Variants in GOLIM4 observed in about 807,000 individuals in gnomAD.
GOLIM4 encodes 130 kDa golgi-localized phosphoprotein.
In GOLIM4, 71 loss-of-function variants were observed where a neutral mutation model predicts 107.4. That is an observed-to-expected ratio of 0.66 (90% CI 0.55 to 0.81). The LOEUF is 0.81. Ranked by LOEUF, GOLIM4 falls within the 30% of genes least tolerant of loss-of-function variation. GOLIM4 has a pLI of 0.00. For missense variants in GOLIM4, 830 were observed against 826.1 expected (o/e 1.00, Z -0.06); for synonymous variants, 327 against 294.8 (o/e 1.11, Z -1.12).
At chr3:168,030,104 T>C in intron 9 of GOLIM4, 68 bp from the exon 10 acceptor site, 2 of 1,489,364 alleles carry the variant, frequency 1.3e-6, no homozygotes, top group Non-Finnish European at 1.8e-6. Flanking sequence ...TTCATTTGTT[T>C]CTCCTGACAA....
rs1187688741 is a variant in GOLIM4, at chr3:168,010,416, A to G, written c.1944T>C (p.Thr648=). The G allele has an allele frequency of 1.9e-6, 3 of 1,593,578 alleles. No individual in the cohort carries two copies. Among genetic ancestry groups the G allele is most frequent in the African/African-American group, 2.7e-5 (2 of 74,226 alleles). The part of the protein sequence containing the change: ...EETYGENDEN[T]DDKNNDGEEQ... ...CTTCTCCATCATTATTTTTATCATCAGTCTTAAAATTAAAAGAAAAAAGAA... is the reference window on the plus strand; with the variant it reads ...CTTCTCCATCATTATTTTTATCATCGGTCTTAAAATTAAAAGAAAAAAGAA... The change falls in exon 16 of 16, where the codon ACT becomes ACC. Residue 648 remains threonine, a splice_region_variant and synonymous_variant. Coordinates refer to ENST00000470487, the MANE Select transcript of GOLIM4 (RefSeq NM_014498.5).
chr3:168,070,774 C>G (rs372206652), intron 1 of GOLIM4, among the ~76,000 whole-genome samples: 2 of 152,080 alleles, frequency 1.3e-5, no homozygotes, highest in East Asian at 1.9e-4. Flanking sequence ...TGCTTTTTAG[C>G]TTGAAAGGGA....
rs753254680 is a variant in GOLIM4 at position 168,040,804 on chromosome 3, A to G, written c.666T>C (p.Ser222=). 2 of 1,610,708 alleles carry G rather than the reference A, an allele frequency of 1.2e-6. No individual in the cohort carries two copies. The highest frequency in any genetic ancestry group is 2.2e-5 in the East Asian group (1 of 44,862). ...TTCTAACCTGTGCAGCAGCTAGTGCACTCTTGTGGTCTTCCAAAGTCACTA... is the reference window on the plus strand; with the variant it reads ...TTCTAACCTGTGCAGCAGCTAGTGCGCTCTTGTGGTCTTCCAAAGTCACTA... ...QLVVTLEDHK[S]ALAAAQTQVA... Residue 222 remains serine, a synonymous_variant, in exon 7 of 16, where the codon AGT becomes AGC. Coordinates refer to ENST00000470487, the MANE Select transcript of GOLIM4 (RefSeq NM_014498.5).
intron 1 of GOLIM4, among the ~76,000 whole-genome samples, chr3:168,068,842 T>TTTTA (rs1720688425): frequency 7.0e-6 from 1 of 143,306 alleles, no homozygotes; most frequent in African/African-American, 2.7e-5. Flanking sequence ...ATTTTATTTT[T>TTTTA]TTTTTTTTTT....
chr3:168,074,054 T>G (rs941788852), intron 1 of GOLIM4, among the ~76,000 whole-genome samples: 1 of 152,130 alleles, frequency 6.6e-6, no homozygotes, highest in East Asian at 1.9e-4. Context: ...CCTCATTCTG[T>G]GGGAAGCCAG....
chr3:168,036,926 A>T lies in GOLIM4; in HGVS notation c.753T>A (p.Asp251Glu). 5.7e-6 allele frequency: 9 copies of T among 1,590,780 alleles called. No individual in the cohort carries two copies. Among genetic ancestry groups the T allele is most frequent in the Non-Finnish European group, 7.7e-6 (9 of 1,167,028 alleles). The change falls in exon 8 of 16, where the codon GAT becomes GAA. Residue 251 changes from aspartate (D) to glutamate (E), a missense_variant. Asp to Glu is a conservative substitution (Grantham distance 45). Transcript: ENST00000470487. ...GGGTCACATTTTGCTGTTCTGCTGG[A>T]TCAGGTTTTCGAAGGCTTGGAATCC... ...LNRIPSLRKP[D>E]PAEQQNVTQV...
chr3:168,015,179 A>T (rs1394861005), intron 14 of GOLIM4, among the ~76,000 whole-genome samples: 1 of 142,470 alleles, frequency 7.0e-6, no homozygotes, highest in Non-Finnish European at 1.5e-5. Flanking sequence ...GCTGATAAGC[A>T]ACTTCAGCAA....
chr3:168,076,453 GGAGGCCAAGGCGGGAGGATCAC>G (rs1406279451), intron 1 of GOLIM4, among the ~76,000 whole-genome samples: 1 of 152,200 alleles, frequency 6.6e-6, no homozygotes, highest in East Asian at 1.9e-4. Flanking sequence ...CAGCACTTTG[GGAGGCCAAGGCGGGAGGATCAC>G]GAGGTCAAGA....
At chr3:168,031,143 A>G (rs1236715419) in intron 9 of GOLIM4, among the ~76,000 whole-genome samples, 2 of 152,198 alleles carry the variant, frequency 1.3e-5, no homozygotes, top group Non-Finnish European at 2.9e-5. Context: ...AGCTTAAAAA[A>G]GCGATATTGA....
chr3:168,085,384 G>A (rs991374767), intron 1 of GOLIM4, among the ~76,000 whole-genome samples: 1 of 152,176 alleles, frequency 6.6e-6, no homozygotes, highest in Non-Finnish European at 1.5e-5. Flanking sequence ...TTAAGGGCAT[G>A]CATTGTCTCT....
rs1217939872 is a variant in GOLIM4 at position 168,016,237 on chromosome 3, G to T, written c.1861-5414C>A. On this transcript the variant is annotated intron_variant, in intron 14 of 15. Transcript: ENST00000470487. ...CCATCAAAAAGTGGGCGAAGGACATGAACAGACACTTCTCAAAAGAAGACA... is the reference window on the plus strand; with the variant it reads ...CCATCAAAAAGTGGGCGAAGGACATTAACAGACACTTCTCAAAAGAAGACA... Among the ~76,000 whole-genome samples the T allele has an allele frequency of 8.9e-5, 12 of 134,298 alleles. 2 individuals are homozygous for T. The East Asian group carries it at 1.6e-3, about 18-fold the overall frequency. 88.1% of individuals were successfully genotyped at this position (134,298 alleles called of 152,430 possible). A position where few individuals can be genotyped will look rare whatever the true frequency, so the allele number is the denominator to read the frequency against.
intron 14 of GOLIM4, among the ~76,000 whole-genome samples, chr3:168,011,801 C>T (rs1348049134): frequency 7.5e-6 from 1 of 133,308 alleles, no homozygotes; most frequent in Non-Finnish European, 1.5e-5. Context: ...CCTCACAAGG[C>T]AGGGTATTCC....
intron 7 of GOLIM4, among the ~76,000 whole-genome samples, chr3:168,038,134 C>A (rs1577526571): frequency 6.6e-6 from 1 of 152,208 alleles, no homozygotes; most frequent in Non-Finnish European, 1.5e-5. Flanking sequence ...TCCCAGGGCA[C>A]TGCCTTTTAA....
intron 1 of GOLIM4, among the ~76,000 whole-genome samples, chr3:168,068,990 C>T (rs536377040): frequency 1.3e-5 from 2 of 152,018 alleles, no homozygotes; most frequent in Non-Finnish European, 2.9e-5. Context: ...GAGAATGCCA[C>T]CATGTCCGAC....
chr3:168,090,438 T>C (rs532504304), intron 1 of GOLIM4, among the ~76,000 whole-genome samples: 1 of 152,168 alleles, frequency 6.6e-6, no homozygotes, highest in African/African-American at 2.4e-5. Context: ...TCACTAAGCA[T>C]GAGAGAAATG....
At chr3:168,048,231 T>C in intron 2 of GOLIM4, 60 bp downstream of exon 2, 1 of 877,978 alleles carries the variant, frequency 1.1e-6, no homozygotes, top group Admixed American at 2.2e-5. Context: ...AAACCAAGTA[T>C]ATGATACGTC....
rs186762319 is a variant in GOLIM4, at chr3:168,078,602, G to T, written c.187+16497C>A. ...CTGTAATATTCCTCTCAACTGCTCAGTTATATTCTGAATTTTTCCAGTGGT... is the reference window on the plus strand; with the variant it reads ...CTGTAATATTCCTCTCAACTGCTCATTTATATTCTGAATTTTTCCAGTGGT... On this transcript the variant is annotated intron_variant, in intron 1 of 15. Transcript: ENST00000470487. 7.9e-5 allele frequency among the ~76,000 whole-genome samples: 12 copies of T among 152,140 alleles called. No individual in the cohort carries two copies. The East Asian group carries it at 2.3e-3, about 29-fold the overall frequency.
chr3:168,050,008 T>C (rs1440766847), intron 1 of GOLIM4, among the ~76,000 whole-genome samples: 1 of 152,180 alleles, frequency 6.6e-6, no homozygotes, highest in African/African-American at 2.4e-5. Flanking sequence ...TGTGGTCCTC[T>C]GATGACATGC....
At chr3:168,028,915 G>A (rs921594008) in intron 11 of GOLIM4, among the ~76,000 whole-genome samples, 1 of 152,152 alleles carries the variant, frequency 6.6e-6, no homozygotes, top group Non-Finnish European at 1.5e-5. Context: ...CCAAGGTAAG[G>A]AGAAAATGCA....
Sources: gnomAD v4.1 joint callset for allele counts (sites outside exome capture counted in the v4.1 genomes callset) on GRCh38, gnomAD v4.1.1 for gene constraint, MANE v1.5 for transcripts, NCBI Gene and HGNC (gene_info 2026-07-23, HGNC 2026-07-21) for gene names.